SGCZ: variants seen among roughly 807,000 people sequenced by gnomAD.
SGCZ encodes zeta-sarcoglycan.
A neutral mutation model predicts 41.3 loss-of-function variants in SGCZ; 40 were observed. The ratio of observed to expected loss-of-function variants is 0.97; its 90% CI spans 0.75 to 1.26. SGCZ has a LOEUF of 1.26. Among genes scored for constraint, SGCZ ranks in the 50% most tolerant of loss-of-function variants. The probability of loss-of-function intolerance (pLI) is 0.00; values close to 1 mark genes in which losing one functional copy is unlikely to be tolerated. For synonymous variants in SGCZ, 206 were observed against 137.5 expected (o/e 1.50, Z -3.49); for missense variants, 552 against 369.8 (o/e 1.49, Z -4.04).
chr8:14,676,088 G>C (rs970529502), intron 1 of SGCZ, among the ~76,000 whole-genome samples: 4 of 152,202 alleles, frequency 2.6e-5, no homozygotes, highest in African/African-American at 4.8e-5. Context: ...ATAATTCTCA[G>C]GGATCAACCC....
At chr8:15,115,489 T>A (rs923605470) in intron 1 of SGCZ, among the ~76,000 whole-genome samples, 1 of 152,194 alleles carries the variant, frequency 6.6e-6, no homozygotes, top group African/African-American at 2.4e-5. Context: ...CAAATTGATT[T>A]AGGATATCTT....
At chr8:14,559,298 T>C (rs1226399466) in intron 1 of SGCZ, among the ~76,000 whole-genome samples, 4 of 151,980 alleles carry the variant, frequency 2.6e-5, no homozygotes, top group Admixed American at 6.6e-5. Flanking sequence ...GATACAAAAC[T>C]AATGTACACA....
intron 1 of SGCZ, among the ~76,000 whole-genome samples, chr8:15,137,854 C>A (rs558206680): frequency 6.6e-6 from 1 of 152,310 alleles, no homozygotes; most frequent in Non-Finnish European, 1.5e-5. Flanking sequence ...AGCCCCCACA[C>A]AGAGTCCCCA....
chr8:15,209,550 G>A (rs969919505), intron 1 of SGCZ, among the ~76,000 whole-genome samples: 2 of 149,076 alleles, frequency 1.3e-5, no homozygotes, highest in Admixed American at 1.3e-4. Flanking sequence ...AAGAATGAAA[G>A]AGAAAAGAAG....
At chr8:14,180,300 A>G (rs1021677453) in intron 4 of SGCZ, among the ~76,000 whole-genome samples, 8 of 152,174 alleles carry the variant, frequency 5.3e-5, no homozygotes, top group African/African-American at 1.9e-4. Flanking sequence ...TCTATAACAA[A>G]GGAGTGTCCT....
chr8:14,605,059 G>A (rs561441578), intron 1 of SGCZ, among the ~76,000 whole-genome samples: 2 of 152,046 alleles, frequency 1.3e-5, no homozygotes, highest in Admixed American at 1.3e-4. Context: ...TCCATTATTT[G>A]TTTCTAACTA....
chr8:14,747,395 C>A (rs1585227829), intron 1 of SGCZ, among the ~76,000 whole-genome samples: 2 of 152,088 alleles, frequency 1.3e-5, no homozygotes, highest in East Asian at 3.9e-4. Flanking sequence ...TCAGCCATAG[C>A]AACCTGCAAC....
At chr8:14,728,987 G>A (rs934855083) in intron 1 of SGCZ, among the ~76,000 whole-genome samples, 2 of 152,144 alleles carry the variant, frequency 1.3e-5, no homozygotes, top group Non-Finnish European at 2.9e-5. Flanking sequence ...GAGTAACCTT[G>A]TTTAGTGACC....
chr8:14,211,864 A>G (rs1805819259), intron 4 of SGCZ, among the ~76,000 whole-genome samples: 1 of 152,102 alleles, frequency 6.6e-6, no homozygotes, highest in Non-Finnish European at 1.5e-5. Context: ...CAAGATCAAG[A>G]GGACAGATGT....
intron 1 of SGCZ, among the ~76,000 whole-genome samples, chr8:15,001,380 G>A (rs1468583886): frequency 2.0e-5 from 3 of 152,102 alleles, no homozygotes; most frequent in African/African-American, 7.2e-5. Context: ...CAAGTTTACT[G>A]GGATATTTGT....
chr8:14,555,081 T>C (rs1204387140), intron 1 of SGCZ, among the ~76,000 whole-genome samples, 155 bp from the exon 2 acceptor site: 3 of 152,122 alleles, frequency 2.0e-5, no homozygotes, highest in African/African-American at 7.2e-5. Flanking sequence ...TAAAATGTTA[T>C]AGAAAACTTC....
intron 1 of SGCZ, among the ~76,000 whole-genome samples, chr8:15,207,054 G>T (rs1350653223): frequency 2.6e-5 from 4 of 152,212 alleles, no homozygotes; most frequent in African/African-American, 9.6e-5. Flanking sequence ...GGGATGTGGG[G>T]CTTGAAAAGG....
At chr8:14,187,957 T>C (rs990935920) in intron 4 of SGCZ, among the ~76,000 whole-genome samples, 2 of 152,006 alleles carry the variant, frequency 1.3e-5, no homozygotes, top group East Asian at 1.9e-4. Flanking sequence ...AAATGACTCA[T>C]TGGTTATAAG....
intron 1 of SGCZ, among the ~76,000 whole-genome samples, chr8:15,016,971 C>G (rs1405634617): frequency 2.6e-5 from 4 of 152,134 alleles, no homozygotes; most frequent in Non-Finnish European, 2.9e-5. Flanking sequence ...CCAAGTAGGA[C>G]AGCAAGCCAT....
At position 14,760,135 on chromosome 8, in the gene SGCZ, C is replaced by T. The variant is rs375432213; in HGVS notation, c.40-205209G>A. ...TCCACAGTTATGCGTTTCAACATTT[C>T]ATACTTAATTATGTAAATAAATGAC... On this transcript the variant is annotated intron_variant, in intron 1 of 7. Coordinates refer to ENST00000382080, the MANE Select transcript of SGCZ (RefSeq NM_139167.4). Among the ~76,000 whole-genome samples the T allele has an allele frequency of 1.4e-4, 21 of 152,270 alleles. No individual in the cohort carries two copies. In the East Asian group the frequency reaches 3.9e-3, roughly 28 times the overall value.
At position 14,207,566 on chromosome 8, in the gene SGCZ, G is replaced by C. The variant is rs559660848; in HGVS notation, c.424+30026C>G. Among the ~76,000 whole-genome samples, 4 of 151,976 alleles carry C rather than the reference G, an allele frequency of 2.6e-5. No homozygotes were observed. In the South Asian group the frequency reaches 8.3e-4, roughly 32 times the overall value. On this transcript the variant is annotated intron_variant, in intron 4 of 7. Transcript: ENST00000382080. ...TTAAAGCTTAAATATCTTTTTTGTA[G>C]TGTGTTTTTTTTCAGTTTACTATGT...
rs890574467 is a variant in SGCZ, at chr8:14,722,444, T to C, written c.40-167518A>G. Among the ~76,000 whole-genome samples, 8 of 152,246 alleles carry C rather than the reference T, an allele frequency of 5.3e-5. No individual in the cohort carries two copies. In the South Asian group the frequency reaches 1.4e-3, roughly 28 times the overall value. On this transcript the variant is annotated intron_variant, in intron 1 of 7. Transcript: ENST00000382080. ...TTAAAAATGTGGATTTATTAAGGAA[T>C]ACTTTATTATTATAATAAAACAAAA...
intron 6 of SGCZ, among the ~76,000 whole-genome samples, chr8:14,105,118 GT>G (rs540092521): frequency 2.6e-5 from 4 of 151,516 alleles, no homozygotes; most frequent in South Asian, 2.1e-4. Flanking sequence ...TATTTAACAT[GT>G]TTTTTTTAGC....
chr8:14,408,177 G>T (rs1007269115), intron 2 of SGCZ, among the ~76,000 whole-genome samples: 15 of 152,078 alleles, frequency 9.9e-5, no homozygotes, highest in African/African-American at 3.6e-4. Flanking sequence ...AGACATTATG[G>T]AAAGAAGGAA....
Sources: allele counts gnomAD v4.1 joint callset (sites outside exome capture counted in the v4.1 genomes callset), GRCh38; gene constraint gnomAD v4.1.1; transcripts MANE v1.5; gene names NCBI Gene and HGNC (gene_info 2026-07-23, HGNC 2026-07-21).